The following TNK2 variants were observed in gnomAD, a reference collection of about 807,000 sequenced individuals.
TNK2 encodes the protein activated CDC42 kinase 1.
In TNK2, 83 loss-of-function variants were observed where a neutral mutation model predicts 101.8. The observed-to-expected ratio is 0.82, with a 90% CI of 0.68 to 0.98. The LOEUF is 0.98. Ranked by LOEUF, TNK2 falls within the 50% of genes least tolerant of loss-of-function variation. TNK2 has a pLI of 0.00. For missense variants in TNK2, 1,665 were observed against 1,483.2 expected, an observed-to-expected ratio of 1.12 and a Z score of -2.01; for synonymous variants, 804 against 633.0, an observed-to-expected ratio of 1.27 and a Z score of -4.06.
rs573051863 is a variant in TNK2 at position 195,890,408 on chromosome 3, G to T, written c.-18-1802C>A. The stretch of plus-strand genomic sequence containing the variant: ...TTATGATCATGCAAACCTAGAATAT[G>T]ATCCCACTTTATATATAAATAAGAA... On this transcript the variant is annotated intron_variant, in intron 1 of 15. Transcript: ENST00000672887. Among the ~76,000 whole-genome samples, 5 of 150,498 alleles carry T rather than the reference G, an allele frequency of 3.3e-5. No individual in the cohort carries two copies. In the South Asian group the frequency reaches 1.0e-3, roughly 32 times the overall value.
At chr3:195,901,846 G>A (rs1406422257) in intron 1 of TNK2, among the ~76,000 whole-genome samples, 1 of 152,188 alleles carries the variant, frequency 6.6e-6, no homozygotes, top group Admixed American at 6.5e-5. Flanking sequence ...GTACTGCTTG[G>A]CACAAGGATG....
chr3:195,899,461 A>G (rs1320705840), intron 1 of TNK2, among the ~76,000 whole-genome samples: 1 of 151,742 alleles, frequency 6.6e-6, no homozygotes, highest in Non-Finnish European at 1.5e-5. Flanking sequence ...CAAGTAGCTG[A>G]GATTACAAGT....
intron 9 of TNK2, chr3:195,876,308 G>A (rs1179924067): frequency 4.8e-6 from 2 of 417,472 alleles, no homozygotes; most frequent in South Asian, 1.7e-5. Flanking sequence ...GCGGCAGGTG[G>A]CCTCCCAGAC....
At position 195,868,318 on chromosome 3, in the gene TNK2, A is replaced by G. The variant is rs1198471442; in HGVS notation, c.1980T>C (p.Phe660=). 6.2e-7 allele frequency: 1 copy of G among 1,603,212 alleles called. No individual in the cohort carries two copies. The highest frequency in any genetic ancestry group is 1.1e-5 in the South Asian group (1 of 91,034). Residue 660 remains phenylalanine, a synonymous_variant, in exon 13 of 16, where the codon TTT becomes TTC. Transcript: ENST00000672887. ...GGGTGCTGTTGATGGAGCAGATCTC[A>G]AAGTCATCCTCATCCTGGGCCACGT... ...YDDVAQDEDD[F]EICSINSTLV...
rs1750764633 is a variant in TNK2, at chr3:195,878,674, A to C, written c.1015-82T>G. On this transcript the variant is annotated intron_variant, in intron 7 of 15. Transcript: ENST00000672887. The surrounding 1 kb of genome is among the most constrained non-coding windows in gnomAD (Gnocchi z 4.7). ...CCCGCCTTCCCTCCAGCCCATCCAC[A>C]GCTGCAGCGGCTGCTGCCATGCCTG... 44 of 1,535,440 alleles carry C rather than the reference A, an allele frequency of 2.9e-5. 1 individual carries two copies. The South Asian group carries it at 5.2e-4, about 18-fold the overall frequency.
chr3:195,869,891 G>A (rs532037603), intron 11 of TNK2: 24 of 558,870 alleles, frequency 4.3e-5, no homozygotes, highest in African/African-American at 2.5e-4. Context: ...CGGGGCGGAC[G>A]GGCCTGCTGC....
At position 195,883,277 on chromosome 3, in the gene TNK2, A is replaced by C. The variant is rs370771145; in HGVS notation, c.489T>G (p.Asp163Glu). 2.5e-6 allele frequency: 4 copies of C among 1,613,364 alleles called. No individual in the cohort carries two copies. Among genetic ancestry groups the C allele is most frequent in the Non-Finnish European group, 2.5e-6 (3 of 1,179,994 alleles). Residue 163 changes from aspartate (D) to glutamate (E), a missense_variant, in exon 5 of 16, where the codon GAT becomes GAG. By Grantham distance (45) the Asp-to-Glu change is conservative. Transcript: ENST00000672887. ...CCATGGCTTCTGGCTGGCTCAGGAC[A>C]TCGGGCTTCAGGCACTTCACAGCCA... is the stretch of plus-strand genomic sequence containing the variant. ...VSVAVKCLKP[D>E]VLSQPEAMDD...
Position 195,878,935 on chromosome 3 carries a change from G to C in TNK2, c.1014+114C>G. ...GGCACGGGAAGTGGGGGGAGGCACG[G>C]GGCGTGGGAGGAGGGAGTCCATTGG... On this transcript the variant is annotated intron_variant, in intron 7 of 15. Coordinates refer to ENST00000672887, the MANE Select transcript of TNK2 (RefSeq NM_001382273.1). This position sits in a 1 kb window ranked among gnomAD's most constrained non-coding sequence, Gnocchi z 4.7. 3.3e-6 allele frequency: 5 copies of C among 1,503,592 alleles called. No individual in the cohort carries two copies. The highest frequency in any genetic ancestry group is 4.5e-6 in the Non-Finnish European group (5 of 1,112,480). 93.1% of individuals were successfully genotyped at this position (1,503,592 alleles called of 1,614,324 possible).
At chr3:195,903,293 G>A (rs1366129321) in intron 1 of TNK2, among the ~76,000 whole-genome samples, 1 of 150,612 alleles carries the variant, frequency 6.6e-6, no homozygotes, top group South Asian at 2.1e-4. Flanking sequence ...GCACATCTCG[G>A]CCTCCCAAAG....
chr3:195,871,509 T>C (rs1745287121), intron 10 of TNK2, among the ~76,000 whole-genome samples: 1 of 152,096 alleles, frequency 6.6e-6, no homozygotes, highest in Non-Finnish European at 1.5e-5. Context: ...GGAAAACCAC[T>C]GCTCGTGTGC....
At chr3:195,880,497 C>A (rs1202261425) in intron 6 of TNK2, among the ~76,000 whole-genome samples, 1 of 59,682 alleles carries the variant, frequency 1.7e-5, no homozygotes, top group Admixed American at 1.6e-4. Flanking sequence ...GACACAGCAT[C>A]TATCCCTGTA....
chr3:195,884,737 G>A, intron 4 of TNK2, 75 bp downstream of exon 4: 3 of 1,407,652 alleles, frequency 2.1e-6, no homozygotes, highest in Non-Finnish European at 2.9e-6. Flanking sequence ...TCCACACCCT[G>A]GTTGGGGGCA....
In TNK2 at chr3:195,882,444, C is replaced by T; in HGVS notation, c.610-116G>A. On this transcript the variant is annotated intron_variant, in intron 5 of 15. Transcript: ENST00000672887. The surrounding 1 kb of genome is among the most constrained non-coding windows in gnomAD (Gnocchi z 4.2). The stretch of plus-strand genomic sequence containing the variant: ...GCTTTCCAGAGCCAGGCTGCACGCA[C>T]CTTCCTGGCCTGCTGTCTGGGGACC... 5 of 1,554,966 alleles carry T rather than the reference C, an allele frequency of 3.2e-6. No homozygotes were observed. Among genetic ancestry groups the T allele is most frequent in the Non-Finnish European group, 4.3e-6 (5 of 1,150,456 alleles).
chr3:195,872,534 T>C (rs943897102), intron 9 of TNK2, 64 bp from the exon 10 acceptor site: 1 of 1,494,574 alleles, frequency 6.7e-7, no homozygotes. Flanking sequence ...ACTGGGACCC[T>C]CCTCACACCC....
intron 1 of TNK2, among the ~76,000 whole-genome samples, chr3:195,905,799 C>G (rs1044209638): frequency 4.6e-5 from 7 of 152,154 alleles, no homozygotes; most frequent in Non-Finnish European, 7.4e-5. Context: ...GTAAATTAAT[C>G]AAAATTTACA....
chr3:195,902,646 T>TAA (rs60167945), intron 1 of TNK2, among the ~76,000 whole-genome samples: 202 of 120,470 alleles, frequency 1.7e-3, no homozygotes, highest in Non-Finnish European at 2.7e-3. Context: ...AAAACAAACA[T>TAA]AAAAAAAAAA....
chr3:195,883,006 T>C lies in TNK2; in HGVS notation c.609+151A>G, dbSNP rs1010250244. ...GCAGCAGACACAGCCCGTACCAGGC[T>C]GGGCCCCTGTGGACCCCTTTACTCC... is the stretch of plus-strand genomic sequence containing the variant. On this transcript the variant is annotated intron_variant, in intron 5 of 15. Coordinates refer to ENST00000672887, the MANE Select transcript of TNK2 (RefSeq NM_001382273.1). The C allele has an allele frequency of 6.9e-6, 6 of 869,172 alleles. No individual in the cohort carries two copies. The African/African-American group carries it at 1.0e-4, about 15-fold the overall frequency. 53.8% of individuals were successfully genotyped at this position (869,172 alleles called of 1,614,324 possible).
At chr3:195,900,933 G>T (rs1254679164) in intron 1 of TNK2, among the ~76,000 whole-genome samples, 1 of 152,218 alleles carries the variant, frequency 6.6e-6, no homozygotes, top group African/African-American at 2.4e-5. Flanking sequence ...GAGCTGAAGG[G>T]GCCTATTGTT....
At position 195,878,730 on chromosome 3, in the gene TNK2, AG is replaced by A; in HGVS notation, c.1015-139del. ...CAAAGAAGGGATCTGCCTGCCTGGG[AG>A]GGGCCCTCTCCAGAGCCCCAGTCCC... On this transcript the variant is annotated intron_variant, in intron 7 of 15. Transcript: ENST00000672887. This position sits in a 1 kb window ranked among gnomAD's most constrained non-coding sequence, Gnocchi z 4.7. The A allele has an allele frequency of 7.6e-7, 1 of 1,321,720 alleles. No individual in the cohort carries two copies. The highest frequency in any genetic ancestry group is 2.3e-5 in the Admixed American group (1 of 43,000). The allele number at this position is 1,321,720 out of a possible 1,614,324, so 81.9% of individuals were successfully genotyped here.
Sources: gnomAD v4.1 joint callset for allele counts (sites outside exome capture counted in the v4.1 genomes callset) on GRCh38, gnomAD v4.1.1 for gene constraint, Gnocchi (gnomAD v3.1) non-coding constraint, MANE v1.5 for transcripts, NCBI Gene and HGNC (gene_info 2026-07-23, HGNC 2026-07-21) for gene names.